The following RBFOX1 variants were observed in gnomAD, a reference collection of about 807,000 sequenced individuals.
RBFOX1 encodes the protein RNA binding fox-1 homolog 1.
Under a neutral mutation model 57.7 loss-of-function variants are expected in RBFOX1, and 8 were observed. The ratio of observed to expected loss-of-function variants is 0.14; its 90% CI spans 0.08 to 0.25. RBFOX1 has a LOEUF of 0.25. RBFOX1 is among the 10% of genes least tolerant of loss of function. The pLI is 1.00. For missense variants in RBFOX1, 611 were observed against 548.5 expected, an observed-to-expected ratio of 1.11 and a Z score of -1.14; for synonymous variants, 326 against 222.4, an observed-to-expected ratio of 1.47 and a Z score of -4.15.
intron 4 of RBFOX1, among the ~76,000 whole-genome samples, chr16:7,134,853 A>G (rs1003375974): frequency 3.3e-5 from 5 of 152,096 alleles, no homozygotes; most frequent in Admixed American, 1.3e-4. Flanking sequence ...TTTAATGCAC[A>G]TATGTCAGTG....
intron 4 of RBFOX1, among the ~76,000 whole-genome samples, chr16:7,315,316 A>AT (rs1411331048): frequency 2.0e-5 from 3 of 152,106 alleles, no homozygotes; most frequent in African/African-American, 7.2e-5. Context: ...TAAAATCTTG[A>AT]TTTTAGGAAA....
intron 1 of RBFOX1, among the ~76,000 whole-genome samples, chr16:5,403,234 C>T (rs1295674028): frequency 6.6e-6 from 1 of 151,564 alleles, no homozygotes; most frequent in Non-Finnish European, 1.5e-5. Context: ...CTTGTAATCC[C>T]AGCTATTTGG....
chr16:5,598,769 A>G (rs1355637903), intron 2 of RBFOX1: 27 of 675,878 alleles, frequency 4.0e-5, no homozygotes, highest in Admixed American at 2.4e-4. Flanking sequence ...GGATGGGTGG[A>G]GAGACAGAGG....
chr16:5,472,780 A>T (rs1275534475), intron 2 of RBFOX1, among the ~76,000 whole-genome samples: 1 of 152,168 alleles, frequency 6.6e-6, no homozygotes, highest in Non-Finnish European at 1.5e-5. Context: ...CATAATTACC[A>T]GCGTAATTAG....
chr16:7,603,753 A>G (rs1265933926), intron 9 of RBFOX1, among the ~76,000 whole-genome samples: 1 of 152,180 alleles, frequency 6.6e-6, no homozygotes, highest in Non-Finnish European at 1.5e-5. Context: ...AGTGGTACCA[A>G]AGAGGTACCA....
chr16:5,512,696 C>T (rs1046366795), intron 2 of RBFOX1, among the ~76,000 whole-genome samples: 2 of 152,184 alleles, frequency 1.3e-5, no homozygotes, highest in Non-Finnish European at 2.9e-5. Flanking sequence ...CCACCCCCAA[C>T]TCAGCTTTAC....
chr16:5,587,408 A>G (rs1272577045), intron 2 of RBFOX1, among the ~76,000 whole-genome samples: 4 of 152,252 alleles, frequency 2.6e-5, no homozygotes, highest in Admixed American at 1.3e-4. Flanking sequence ...TAGAATGGCT[A>G]GAATCTAAAA....
At chr16:5,942,146 G>A (rs542866000) in intron 4 of RBFOX1, among the ~76,000 whole-genome samples, 1 of 152,204 alleles carries the variant, frequency 6.6e-6, no homozygotes, top group South Asian at 2.1e-4. Context: ...CAGGGGGAGT[G>A]CAATAGAGAA....
chr16:6,749,181 A>G (rs917168350), intron 3 of RBFOX1, among the ~76,000 whole-genome samples: 1 of 152,126 alleles, frequency 6.6e-6, no homozygotes, highest in Non-Finnish European at 1.5e-5. Context: ...GGCAGATCTG[A>G]GTTTGGATCC....
At position 6,060,122 on chromosome 16, in the gene RBFOX1, G is replaced by GTTTTTTT. The variant is rs199690584; in HGVS notation, c.-127+40160_-127+40166dup. 9.9e-4 allele frequency among the ~76,000 whole-genome samples: 113 copies of GTTTTTTT among 114,190 alleles called. 10 individuals carry two copies. The highest frequency in any genetic ancestry group is 1.2e-3 in the Non-Finnish European group (72 of 58,108). 74.9% of individuals were successfully genotyped at this position (114,190 alleles called of 152,430 possible). On this transcript the variant is annotated intron_variant, in intron 1 of 15. Transcript: ENST00000550418. Reference sequence around the variant, plus strand: ...ATTTGGCCCTAAAATTAGGATTAGGGTTTTTTTTTTTTTTTTTTTTTTTTT... The same window carrying GTTTTTTT: ...ATTTGGCCCTAAAATTAGGATTAGGGTTTTTTTTTTTTTTTTTTTTTTTTTTTTTTTT...
At chr16:5,268,937 C>T (rs1220596898) in intron 1 of RBFOX1, among the ~76,000 whole-genome samples, 30 of 148,362 alleles carry the variant, frequency 2.0e-4, no homozygotes, top group Admixed American at 1.5e-3. Context: ...TTTTTTGAGA[C>T]GAAGTCTTGC....
intron 4 of RBFOX1, among the ~76,000 whole-genome samples, chr16:7,335,934 G>A (rs756709479): frequency 2.0e-5 from 3 of 152,220 alleles, no homozygotes; most frequent in Non-Finnish European, 2.9e-5. Flanking sequence ...TGTCTGGACT[G>A]TCTCATGTGC....
chr16:5,460,303 T>C (rs1392924838), intron 1 of RBFOX1, among the ~76,000 whole-genome samples: 2 of 152,228 alleles, frequency 1.3e-5, no homozygotes, highest in East Asian at 1.9e-4. Context: ...GAAGCAGGAA[T>C]AGTAATAATC....
intron 3 of RBFOX1, among the ~76,000 whole-genome samples, chr16:5,771,747 C>A (rs1009195069): frequency 6.6e-6 from 1 of 152,138 alleles, no homozygotes; most frequent in Non-Finnish European, 1.5e-5. Flanking sequence ...GTGAAAATGT[C>A]CAATCTGAAA....
chr16:5,712,197 T>C (rs533244799), intron 3 of RBFOX1, among the ~76,000 whole-genome samples: 1 of 152,236 alleles, frequency 6.6e-6, no homozygotes, highest in African/African-American at 2.4e-5. Context: ...TTCCACCAGG[T>C]CCCTTCTTCA....
intron 3 of RBFOX1, among the ~76,000 whole-genome samples, chr16:5,702,561 G>T (rs901187144): frequency 3.3e-5 from 5 of 152,190 alleles, no homozygotes; most frequent in Admixed American, 1.3e-4. Context: ...TAATAGCCCT[G>T]GAGAGGAACA....
chr16:5,840,792 A>C (rs538280451), intron 3 of RBFOX1, among the ~76,000 whole-genome samples: 2 of 152,138 alleles, frequency 1.3e-5, no homozygotes, highest in Non-Finnish European at 1.5e-5. Flanking sequence ...GTTCCCTATC[A>C]TGGAAAACAC....
intron 4 of RBFOX1, among the ~76,000 whole-genome samples, chr16:7,314,935 A>G (rs1603619020): frequency 6.6e-6 from 1 of 152,140 alleles, no homozygotes; most frequent in South Asian, 2.1e-4. Context: ...GGAATTCTGG[A>G]TGTAGGAAAG....
intron 2 of RBFOX1, among the ~76,000 whole-genome samples, chr16:6,331,952 T>C (rs1055559767): frequency 1.3e-5 from 2 of 152,168 alleles, no homozygotes; most frequent in African/African-American, 4.8e-5. Flanking sequence ...CATGAGAGGC[T>C]GACATTCTTA....
Sources: allele counts gnomAD v4.1 joint callset (sites outside exome capture counted in the v4.1 genomes callset), GRCh38; gene constraint gnomAD v4.1.1; transcripts MANE v1.5; gene names NCBI Gene and HGNC (gene_info 2026-07-23, HGNC 2026-07-21).